CPB2: variants seen among roughly 807,000 people sequenced by gnomAD.
CPB2 encodes carboxypeptidase B2, also known as carboxypeptidase B-like protein.
Under a neutral mutation model 57.0 loss-of-function variants are expected in CPB2, and 54 were observed. That is an observed-to-expected ratio of 0.95 (90% CI 0.76 to 1.19). The LOEUF (loss-of-function observed/expected upper bound fraction) is 1.19, where lower values mean the gene tolerates loss of function less well. Ranked by LOEUF, CPB2 falls within the 50% of genes most tolerant of loss-of-function variation. The probability of loss-of-function intolerance (pLI) is 0.00; values close to 1 mark genes in which losing one functional copy is unlikely to be tolerated. For synonymous variants in CPB2, 189 were observed against 178.1 expected (o/e 1.06, Z -0.49); for missense variants, 426 against 512.0 (o/e 0.83, Z 1.62).
At chr13:46,086,195 G>T (rs190877877) in intron 2 of CPB2, among the ~76,000 whole-genome samples, 1 of 152,252 alleles carries the variant, frequency 6.6e-6, no homozygotes, top group African/African-American at 2.4e-5. Context: ...CTCCCCAAAA[G>T]GCTGCAGCTC....
At chr13:46,085,631 G>T (rs2045191445) in intron 2 of CPB2, among the ~76,000 whole-genome samples, 1 of 152,160 alleles carries the variant, frequency 6.6e-6, no homozygotes, top group Non-Finnish European at 1.5e-5. Context: ...CTATGACATG[G>T]TCTGATGATG....
chr13:46,101,980 T>C (rs1464544541), intron 1 of CPB2, among the ~76,000 whole-genome samples: 6 of 152,342 alleles, frequency 3.9e-5, no homozygotes, highest in South Asian at 2.1e-4. Flanking sequence ...CAATGGAACA[T>C]AGCCCAAGGC....
chr13:46,093,871 A>G (rs567940658), intron 1 of CPB2, among the ~76,000 whole-genome samples: 2 of 152,282 alleles, frequency 1.3e-5, no homozygotes, highest in South Asian at 4.1e-4. Flanking sequence ...GGGAGGTATA[A>G]CTATGTGGAG....
chr13:46,101,530 A>G (rs2045433810), intron 1 of CPB2, among the ~76,000 whole-genome samples: 1 of 152,196 alleles, frequency 6.6e-6, no homozygotes, highest in Non-Finnish European at 1.5e-5. Flanking sequence ...GAGAGCAGTG[A>G]TAGATAACCC....
intron 1 of CPB2, among the ~76,000 whole-genome samples, chr13:46,103,618 A>C (rs1402866279): frequency 2.0e-5 from 3 of 152,232 alleles, no homozygotes; most frequent in Non-Finnish European, 4.4e-5. Flanking sequence ...ATTTAAAGAG[A>C]TAACATTTCT....
chr13:46,080,574 T>C (rs2139388889), intron 4 of CPB2, among the ~76,000 whole-genome samples: 1 of 152,278 alleles, frequency 6.6e-6, no homozygotes, highest in Non-Finnish European at 1.5e-5. Context: ...CAAGTCAACA[T>C]GAGGCCCTTA....
chr13:46,056,508 C>A (rs961152999), intron 9 of CPB2, among the ~76,000 whole-genome samples: 1 of 152,174 alleles, frequency 6.6e-6, no homozygotes, highest in Non-Finnish European at 1.5e-5. Context: ...TACACTGTCA[C>A]CTTCTTGAAA....
chr13:46,065,354 C>T (rs533582103), intron 7 of CPB2, among the ~76,000 whole-genome samples: 5 of 152,170 alleles, frequency 3.3e-5, no homozygotes, highest in South Asian at 2.1e-4. Flanking sequence ...AGGCCGGGCG[C>T]GGTGGCTCAC....
At chr13:46,074,689 A>G (rs1376023187) in intron 5 of CPB2, among the ~76,000 whole-genome samples, 2 of 152,184 alleles carry the variant, frequency 1.3e-5, no homozygotes, top group Non-Finnish European at 2.9e-5. Context: ...TTTAGGGTAT[A>G]GAGCAGTGGT....
chr13:46,089,429 C>G (rs933737382), intron 1 of CPB2, among the ~76,000 whole-genome samples: 12 of 152,140 alleles, frequency 7.9e-5, no homozygotes, highest in Admixed American at 3.9e-4. Context: ...TCTTCATGTG[C>G]ACGTGCCCCC....
chr13:46,059,340 G>C (rs981754442), intron 8 of CPB2, among the ~76,000 whole-genome samples: 1 of 152,084 alleles, frequency 6.6e-6, no homozygotes, highest in East Asian at 1.9e-4. Flanking sequence ...AGAATAAGAG[G>C]CTATACAGCA....
intron 9 of CPB2, among the ~76,000 whole-genome samples, chr13:46,056,967 G>C (rs181789038): frequency 1.4e-4 from 22 of 152,090 alleles, no homozygotes; most frequent in Non-Finnish European, 1.0e-4. Context: ...TCTGTGCCAC[G>C]TATTTAGTAG....
intron 1 of CPB2, chr13:46,098,727 A>C (rs2045397601): frequency 6.6e-6 from 1 of 152,396 alleles, no homozygotes. Context: ...TGCTTGCCCC[A>C]GTTTGGGACA....
intron 1 of CPB2, among the ~76,000 whole-genome samples, chr13:46,104,398 G>A (rs2045469998): frequency 6.6e-6 from 1 of 152,174 alleles, no homozygotes; most frequent in African/African-American, 2.4e-5. Context: ...CTTCTAGATA[G>A]TTTATCCTAA....
chr13:46,083,696 G>A (rs535666528), intron 3 of CPB2, among the ~76,000 whole-genome samples: 225 of 152,208 alleles, frequency 1.5e-3, no homozygotes, highest in African/African-American at 5.2e-3. Context: ...ACAAAACTTG[G>A]GAGCAGAGAG....
chr13:46,084,327 G>A lies in CPB2; in HGVS notation c.167C>T (p.Pro56Leu), dbSNP rs186705993. 3.7e-5 allele frequency: 60 copies of A among 1,613,932 alleles called. No individual in the cohort carries two copies. The highest frequency in any genetic ancestry group is 3.3e-4 in the East Asian group (15 of 44,876). The change falls in exon 3 of 11, where the codon CCG becomes CTG. Residue 56 changes from proline to leucine, a missense_variant. Pro to Leu is a moderately conservative substitution (Grantham distance 98). Transcript: ENST00000181383. ...CTTCACAATAAGGTCAGCTGTTACC[G>A]GCTGCCAGAGAACAATCTACAGTTT... Reference protein sequence around the residue: ...TTTYEIVLWQPVTADLIVKKK... With the variant: ...TTTYEIVLWQLVTADLIVKKK...
intron 1 of CPB2, among the ~76,000 whole-genome samples, chr13:46,091,860 A>G (rs1008990304): frequency 1.3e-5 from 2 of 152,208 alleles, no homozygotes; most frequent in African/African-American, 4.8e-5. Context: ...CTCTCCATCC[A>G]GTTTTATAGG....
At position 46,067,311 on chromosome 13, in the gene CPB2, T is replaced by A. The variant is rs778722727; in HGVS notation, c.698A>T (p.Lys233Ile). The A allele has an allele frequency of 6.7e-7, 1 of 1,482,914 alleles. No individual in the cohort carries two copies. The allele number at this position is 1,482,914 out of a possible 1,614,324, so 91.9% of individuals were successfully genotyped here. A position where few individuals can be genotyped will look rare whatever the true frequency, so the allele number is the denominator to read the frequency against. Residue 233 changes from lysine (K) to isoleucine (I), a missense_variant, in exon 7 of 11, where the codon AAA becomes ATA. Transcript: ENST00000181383. ...CTTCTTTGCCTTTTCTCCTACCTTT[T>A]TCCATGAGTAGTCATAACCATCCAC... ...VNVDGYDYSWKKNRMWRKNRS... is the reference protein window; with the variant it reads ...VNVDGYDYSWIKNRMWRKNRS...
chr13:46,057,814 G>A (rs2044717235), intron 9 of CPB2, among the ~76,000 whole-genome samples: 1 of 152,298 alleles, frequency 6.6e-6, no homozygotes, highest in Non-Finnish European at 1.5e-5. Context: ...GTGGTGTGCT[G>A]TTGTAGGAAG....
Sources: gnomAD v4.1 joint callset for allele counts (sites outside exome capture counted in the v4.1 genomes callset) on GRCh38, gnomAD v4.1.1 for gene constraint, MANE v1.5 for transcripts, NCBI Gene and HGNC (gene_info 2026-07-23, HGNC 2026-07-21) for gene names.